RNF220: variants seen among roughly 807,000 people sequenced by gnomAD.
RNF220 encodes the protein ring finger protein 220.
RNF220 carries 7 observed loss-of-function variants against 67.1 expected under a neutral mutation model. That is an observed-to-expected ratio of 0.10 (90% confidence interval 0.06 to 0.20). The LOEUF (loss-of-function observed/expected upper bound fraction) is 0.20, where lower values mean the gene tolerates loss of function less well. Ranked by LOEUF, RNF220 falls within the 10% of genes least tolerant of loss-of-function variation. RNF220 has a pLI of 1.00. For missense variants in RNF220, 565 were observed against 740.3 expected, an observed-to-expected ratio of 0.76 and a Z score of 2.75; for synonymous variants, 270 against 283.2, an observed-to-expected ratio of 0.95 and a Z score of 0.47.
Position 44,624,330 on chromosome 1 carries a change from T to C in RNF220, c.804+1543T>C, listed in dbSNP as rs1643882822. On this transcript the variant is annotated intron_variant, in intron 4 of 14. Coordinates refer to ENST00000361799, the MANE Select transcript of RNF220 (RefSeq NM_018150.4). This position sits in a 1 kb window ranked among gnomAD's most constrained non-coding sequence, Gnocchi z 4.2. Reference sequence around the variant, plus strand: ...AGCATGGCTGGCAGGGCTGGGGACTTGGACATCAGTGAGGCCTGTGTTCTA... The same window carrying C: ...AGCATGGCTGGCAGGGCTGGGGACTCGGACATCAGTGAGGCCTGTGTTCTA... 6.6e-6 allele frequency among the ~76,000 whole-genome samples: 1 copy of C among 152,174 alleles called. No homozygotes were observed. Among genetic ancestry groups the C allele is most frequent in the Non-Finnish European group, 1.5e-5 (1 of 68,042 alleles).
At chr1:44,582,971 C>A (rs903113117) in intron 2 of RNF220, among the ~76,000 whole-genome samples, 4 of 151,634 alleles carry the variant, frequency 2.6e-5, no homozygotes, top group African/African-American at 4.8e-5. Context: ...ACGCCATTGC[C>A]CTCCAGCCTG....
At chr1:44,483,690 G>A (rs1348668140) in intron 2 of RNF220, among the ~76,000 whole-genome samples, 2 of 152,178 alleles carry the variant, frequency 1.3e-5, no homozygotes, top group African/African-American at 4.8e-5. Flanking sequence ...AGCGGTGGCA[G>A]GCTAGATAAG....
Position 44,497,967 on chromosome 1 carries a change from C to T in RNF220, c.625+85245C>T, listed in dbSNP as rs537405260. ...GATACTTGGAAAGCTGCTTGTGCTT[C>T]CACGTTAAGCAAAAACCAGTGGGGA... On this transcript the variant is annotated intron_variant, in intron 2 of 14. Coordinates refer to ENST00000361799, the MANE Select transcript of RNF220 (RefSeq NM_018150.4). 1.5e-4 allele frequency among the ~76,000 whole-genome samples: 23 copies of T among 152,330 alleles called. No homozygotes were observed. The South Asian group carries it at 4.8e-3, about 32-fold the overall frequency.
At chr1:44,546,440 C>A (rs1662156573) in intron 2 of RNF220, among the ~76,000 whole-genome samples, 1 of 152,200 alleles carries the variant, frequency 6.6e-6, no homozygotes, top group African/African-American at 2.4e-5. Context: ...CTGCTACTCA[C>A]TCCCCTATAT....
chr1:44,543,683 T>C (rs1462261483), intron 2 of RNF220, among the ~76,000 whole-genome samples: 1 of 152,024 alleles, frequency 6.6e-6, no homozygotes, highest in Non-Finnish European at 1.5e-5. Flanking sequence ...CATTGCATCA[T>C]GTTTTGGGCA....
intron 2 of RNF220, among the ~76,000 whole-genome samples, chr1:44,488,144 T>TC (rs1656496057): frequency 6.7e-6 from 1 of 149,976 alleles, no homozygotes; most frequent in East Asian, 2.0e-4. Flanking sequence ...CTGATTTTTT[T>TC]TTTTTTTTTG....
In RNF220 at chr1:44,602,296, C is replaced by T. The variant is rs555957358; in HGVS notation, c.626-11869C>T. On this transcript the variant is annotated intron_variant, in intron 2 of 14. Transcript: ENST00000361799. ...GCATGGTACTTGACCTCAAAGAGTC[C>T]AGAGGGTGGAGAAGCAATGAGCTGG... is the stretch of plus-strand genomic sequence containing the variant. Among the ~76,000 whole-genome samples the T allele has an allele frequency of 5.3e-5, 8 of 152,124 alleles. No individual in the cohort carries two copies. In the South Asian group the frequency reaches 1.7e-3, roughly 32 times the overall value.
At chr1:44,564,980 C>T (rs924645968) in intron 2 of RNF220, among the ~76,000 whole-genome samples, 3 of 151,862 alleles carry the variant, frequency 2.0e-5, no homozygotes, top group Non-Finnish European at 4.4e-5. Flanking sequence ...CCTGAATCAA[C>T]TCTTTATCCC....
At chr1:44,582,471 G>T (rs1386899020) in intron 2 of RNF220, among the ~76,000 whole-genome samples, 1 of 152,096 alleles carries the variant, frequency 6.6e-6, no homozygotes, top group Non-Finnish European at 1.5e-5. Context: ...GAAGAAGCGA[G>T]TGGTGCCGGG....
chr1:44,590,233 C>T (rs1246704222), intron 2 of RNF220, among the ~76,000 whole-genome samples: 1 of 152,234 alleles, frequency 6.6e-6, no homozygotes, highest in Non-Finnish European at 1.5e-5. Context: ...ACCAGCCTTC[C>T]AGGCAATCAC....
At chr1:44,505,479 A>G (rs116363724) in intron 2 of RNF220, among the ~76,000 whole-genome samples, 1,825 of 152,312 alleles carry the variant, frequency 0.012, 35 homozygotes, top group African/African-American at 0.042. Context: ...CCGTTCCATC[A>G]CGCGTTAACC....
intron 2 of RNF220, among the ~76,000 whole-genome samples, chr1:44,488,460 G>A (rs1656541301): frequency 6.6e-6 from 1 of 151,992 alleles, no homozygotes; most frequent in Non-Finnish European, 1.5e-5. Flanking sequence ...TCTCAGTAGA[G>A]ACAGGGTTTC....
chr1:44,500,525 C>T (rs1205139917), intron 2 of RNF220, among the ~76,000 whole-genome samples: 2 of 152,174 alleles, frequency 1.3e-5, no homozygotes, highest in Admixed American at 6.5e-5. Context: ...GGAATGTAAG[C>T]GCTGCAAGGA....
At chr1:44,609,560 C>T (rs963578337) in intron 2 of RNF220, among the ~76,000 whole-genome samples, 6 of 152,178 alleles carry the variant, frequency 3.9e-5, no homozygotes, top group Admixed American at 1.3e-4. Flanking sequence ...TGGAAGATGG[C>T]AGGGAAGGGG....
intron 2 of RNF220, among the ~76,000 whole-genome samples, chr1:44,543,431 A>G (rs1403005437): frequency 1.3e-5 from 2 of 152,118 alleles, no homozygotes; most frequent in Non-Finnish European, 2.9e-5. Context: ...TAAATAGGAG[A>G]AAGTAAGTCT....
intron 2 of RNF220, among the ~76,000 whole-genome samples, chr1:44,533,681 T>C (rs1043858122): frequency 1.3e-5 from 2 of 151,980 alleles, no homozygotes; most frequent in African/African-American, 4.8e-5. Flanking sequence ...AAGTACAGGG[T>C]GCTTCCAGCA....
chr1:44,630,891 C>G (rs553443662), intron 5 of RNF220, among the ~76,000 whole-genome samples: 1 of 152,310 alleles, frequency 6.6e-6, no homozygotes, highest in Non-Finnish European at 1.5e-5. Context: ...TGGAGAACCA[C>G]TGAAGGATTT....
intron 6 of RNF220, chr1:44,632,605 A>G (rs536215630): frequency 1.4e-4 from 86 of 595,590 alleles, no homozygotes; most frequent in African/African-American, 1.4e-3. Flanking sequence ...AAACCTCTCT[A>G]AAGGCCCTGA....
At chr1:44,430,562 CT>C (rs1273989345) in intron 2 of RNF220, among the ~76,000 whole-genome samples, 1 of 151,968 alleles carries the variant, frequency 6.6e-6, no homozygotes, top group Admixed American at 6.6e-5. Context: ...TTTTTATTTT[CT>C]GAGGCAGAGT....
Sources: gnomAD v4.1 joint callset for allele counts (sites outside exome capture counted in the v4.1 genomes callset) on GRCh38, gnomAD v4.1.1 for gene constraint, Gnocchi (gnomAD v3.1) non-coding constraint, MANE v1.5 for transcripts, NCBI Gene and HGNC (gene_info 2026-07-23, HGNC 2026-07-21) for gene names.